Variants in FAM227B observed in about 807,000 individuals in gnomAD.
FAM227B encodes family with sequence similarity 227 member B, also known as protein FAM227B.
In FAM227B, 88 loss-of-function variants were observed where a neutral mutation model predicts 73.8. That is an observed-to-expected ratio of 1.19 (90% confidence interval 1.00 to 1.42). FAM227B has a LOEUF of 1.42. Ranked by LOEUF, FAM227B falls within the 40% of genes most tolerant of loss-of-function variation. The pLI is 0.00. For synonymous variants in FAM227B, 210 were observed against 190.5 expected (o/e 1.10, Z -0.84); for missense variants, 632 against 590.9 (o/e 1.07, Z -0.72).
At chr15:49,473,166 CAT>C (rs2054935244) in intron 11 of FAM227B, among the ~76,000 whole-genome samples, 1 of 152,084 alleles carries the variant, frequency 6.6e-6, no homozygotes, top group Non-Finnish European at 1.5e-5. Flanking sequence ...CCTCCACAAA[CAT>C]ATCAAATATG....
In FAM227B at chr15:49,520,781, A is replaced by G. The variant is rs1013675245; in HGVS notation, c.875-12433T>C. On this transcript the variant is annotated intron_variant, in intron 10 of 15. Coordinates refer to ENST00000299338, the MANE Select transcript of FAM227B (RefSeq NM_152647.3). The stretch of plus-strand genomic sequence containing the variant: ...CCCTTCCATGACACATGGAAGCTAC[A>G]GTTCAAGATGAGATTTGCGTGGGGA... Among the ~76,000 whole-genome samples the G allele has an allele frequency of 7.2e-5, 11 of 152,154 alleles. 1 individual carries two copies. Among genetic ancestry groups the G allele is most frequent in the Admixed American group, 7.2e-4 (11 of 15,280 alleles).
Position 49,345,815 on chromosome 15 carries a change from G to A in FAM227B, c.1272-10319C>T, listed in dbSNP as rs75947481. 1.1e-3 allele frequency among the ~76,000 whole-genome samples: 171 copies of A among 152,166 alleles called. 3 individuals carry two copies. In the East Asian group the frequency reaches 0.029, roughly 26 times the overall value. Reference sequence around the variant, plus strand: ...ATCACAGAATATTAGAGAAACAAAGGGTTTTGGAAATTGTAGGATCCAATT... The same window carrying A: ...ATCACAGAATATTAGAGAAACAAAGAGTTTTGGAAATTGTAGGATCCAATT... On this transcript the variant is annotated intron_variant, in intron 13 of 15. Coordinates refer to ENST00000299338, the MANE Select transcript of FAM227B (RefSeq NM_152647.3).
At chr15:49,534,849 G>A (rs919523045) in intron 10 of FAM227B, among the ~76,000 whole-genome samples, 2 of 151,538 alleles carry the variant, frequency 1.3e-5, no homozygotes, top group African/African-American at 4.8e-5. Flanking sequence ...TGGCCAATGG[G>A]TCAAAGAAGA....
In FAM227B at chr15:49,364,087, G is replaced by A. The variant is rs1478636401; in HGVS notation, c.1271+3361C>T. Among the ~76,000 whole-genome samples the A allele has an allele frequency of 4.6e-5, 7 of 152,108 alleles. No individual in the cohort carries two copies. In the East Asian group the frequency reaches 1.4e-3, roughly 29 times the overall value. On this transcript the variant is annotated intron_variant, in intron 13 of 15. Coordinates refer to ENST00000299338, the MANE Select transcript of FAM227B (RefSeq NM_152647.3). ...TGGCCAGATGTTTTCTTTTTTTATT[G>A]TGTCTATGCCAGGTTTTGATATTAG... is the stretch of plus-strand genomic sequence containing the variant.
chr15:49,373,296 A>G (rs1381720888), intron 11 of FAM227B, among the ~76,000 whole-genome samples: 1 of 152,122 alleles, frequency 6.6e-6, no homozygotes, highest in Non-Finnish European at 1.5e-5. Context: ...GCAAAATAGT[A>G]AAGCAAAACA....
chr15:49,558,411 G>A (rs2073941510), intron 9 of FAM227B, among the ~76,000 whole-genome samples: 1 of 152,200 alleles, frequency 6.6e-6, no homozygotes, highest in African/African-American at 2.4e-5. Flanking sequence ...TGAAGTGCAA[G>A]TGTGCCATGT....
chr15:49,486,237 T>C (rs1020275138), intron 11 of FAM227B: 4 of 152,038 alleles, frequency 2.6e-5, no homozygotes, highest in Admixed American at 2.6e-4. Flanking sequence ...ACAAAAACAA[T>C]AGATTCATTT....
chr15:49,424,772 C>T (rs2049983013), intron 11 of FAM227B: 1 of 446,312 alleles, frequency 2.2e-6, no homozygotes, highest in Non-Finnish European at 3.9e-6. Flanking sequence ...GGCAAATCTA[C>T]TTACATTATA....
intron 11 of FAM227B, among the ~76,000 whole-genome samples, chr15:49,491,554 CT>C (rs2057096617): frequency 1.3e-5 from 2 of 151,846 alleles, no homozygotes; most frequent in African/African-American, 4.8e-5. Flanking sequence ...TAGAATATCT[CT>C]ACTTCCTACT....
chr15:49,529,596 T>C (rs1249291747), intron 10 of FAM227B, among the ~76,000 whole-genome samples: 1 of 151,796 alleles, frequency 6.6e-6, no homozygotes, highest in African/African-American at 2.4e-5. Context: ...TACAAGGAGA[T>C]ACTCTGTACT....
chr15:49,597,955 G>A (rs1029834325), intron 3 of FAM227B, among the ~76,000 whole-genome samples: 23 of 151,824 alleles, frequency 1.5e-4, no homozygotes, highest in African/African-American at 5.5e-4. Flanking sequence ...GACAAATAAT[G>A]AGCAGTAATA....
rs1388915226 is a variant in FAM227B, at chr15:49,392,953, G to A, written c.1013-21554C>T. Among the ~76,000 whole-genome samples, 6 of 152,100 alleles carry A rather than the reference G, an allele frequency of 3.9e-5. 1 individual carries two copies. Among genetic ancestry groups the A allele is most frequent in the African/African-American group, 1.4e-4 (6 of 41,410 alleles). ...GCCAAGGGCTTGCTTGAAACTTTTT[G>A]TTAACTGAGTGTAGTTTTTTGTAAT... is the stretch of plus-strand genomic sequence containing the variant. On this transcript the variant is annotated intron_variant, in intron 11 of 15. Transcript: ENST00000299338.
At chr15:49,441,960 C>G (rs555437640) in intron 11 of FAM227B, among the ~76,000 whole-genome samples, 16 of 151,444 alleles carry the variant, frequency 1.1e-4, no homozygotes, top group Non-Finnish European at 1.8e-4. Flanking sequence ...ATATGTCTGT[C>G]TGGCTAGAGC....
At chr15:49,539,670 G>A (rs937619940) in intron 10 of FAM227B, among the ~76,000 whole-genome samples, 1 of 152,206 alleles carries the variant, frequency 6.6e-6, no homozygotes, top group Non-Finnish European at 1.5e-5. Flanking sequence ...CAGTGTCATG[G>A]GTGCAGGTGT....
intron 11 of FAM227B, among the ~76,000 whole-genome samples, chr15:49,476,232 G>GTCTTTTTTTTTTTTTTTTTTTTTTTTTT (rs2055279697): frequency 1.7e-5 from 1 of 57,440 alleles, no homozygotes; most frequent in Non-Finnish European, 3.6e-5. Context: ...TTTGTTTTTG[G>GTCTTTTTTTTTTTTTTTTTTTTTTTTTT]TTTTTTTTTT....
At chr15:49,548,923 G>C (rs912208450) in intron 9 of FAM227B, among the ~76,000 whole-genome samples, 5 of 152,056 alleles carry the variant, frequency 3.3e-5, no homozygotes, top group African/African-American at 1.2e-4. Context: ...CTAACGATTT[G>C]TCAATTTTTT....
intron 5 of FAM227B, among the ~76,000 whole-genome samples, chr15:49,582,839 C>T (rs9972602): frequency 0.19 from 28,417 of 151,624 alleles, 3,114 homozygotes; most frequent in East Asian, 0.36. Context: ...AACCATACAA[C>T]TACATGGAAA....
chr15:49,543,261 G>A (rs1043748226), intron 9 of FAM227B, among the ~76,000 whole-genome samples: 10 of 152,046 alleles, frequency 6.6e-5, no homozygotes, highest in African/African-American at 1.7e-4. Flanking sequence ...AATAATCAGC[G>A]ATGTAGTGCA....
Position 49,376,772 on chromosome 15 carries a change from T to C in FAM227B, c.1013-5373A>G, listed in dbSNP as rs944255226. Among the ~76,000 whole-genome samples the C allele has an allele frequency of 3.3e-5, 5 of 152,060 alleles. No individual in the cohort carries two copies. In the East Asian group the frequency reaches 9.6e-4, roughly 29 times the overall value. ...TTTTTTCATTCATTTAGGTCTTCTA[T>C]ACTTTCTTTCAATACTGGTTTGTAA... On this transcript the variant is annotated intron_variant, in intron 11 of 15. Coordinates refer to ENST00000299338, the MANE Select transcript of FAM227B (RefSeq NM_152647.3).
Sources: gnomAD v4.1 joint callset for allele counts (sites outside exome capture counted in the v4.1 genomes callset) on GRCh38, gnomAD v4.1.1 for gene constraint, MANE v1.5 for transcripts, NCBI Gene and HGNC (gene_info 2026-07-23, HGNC 2026-07-21) for gene names.